Variants in EVI5 observed in about 807,000 individuals in gnomAD.
The protein encoded by EVI5 is ecotropic viral integration site 5, also known as ecotropic viral integration site 5 protein homolog.
EVI5 carries 73 observed loss-of-function variants against 112.0 expected under a neutral mutation model. The ratio of observed to expected loss-of-function variants is 0.65; its 90% CI spans 0.54 to 0.79. EVI5 has a LOEUF of 0.79. Among genes scored for constraint, EVI5 ranks in the 30% least tolerant of loss-of-function variants. The pLI, the probability that EVI5 is intolerant of heterozygous loss-of-function variation, is 0.00. For synonymous variants in EVI5, 305 were observed against 319.9 expected (o/e 0.95, Z 0.50); for missense variants, 900 against 968.8 (o/e 0.93, Z 0.94).
intron 2 of EVI5, among the ~76,000 whole-genome samples, chr1:92,722,458 T>C (rs1341236444): frequency 6.8e-6 from 1 of 148,044 alleles, no homozygotes; most frequent in African/African-American, 2.5e-5. Flanking sequence ...AATGCTATCC[T>C]TCCCCCCTCC....
At chr1:92,620,731 T>C (rs971510386) in intron 16 of EVI5, among the ~76,000 whole-genome samples, 5 of 152,042 alleles carry the variant, frequency 3.3e-5, no homozygotes, top group East Asian at 1.9e-4. Context: ...CTAAAGGAAA[T>C]GATAAAAGAA....
chr1:92,718,441 G>T (rs144847884), intron 2 of EVI5, among the ~76,000 whole-genome samples: 85 of 151,986 alleles, frequency 5.6e-4, no homozygotes, highest in Admixed American at 3.2e-3. Context: ...CCTGAATGAC[G>T]ACTGGGTAAA....
Position 92,667,289 on chromosome 1 carries a change from T to A in EVI5, c.1159-1297A>T, listed in dbSNP as rs538029068. Among the ~76,000 whole-genome samples the A allele has an allele frequency of 2.0e-3, 299 of 146,586 alleles. 4 individuals are homozygous for A. Among genetic ancestry groups the A allele is most frequent in the Non-Finnish European group, 3.1e-3 (207 of 66,190 alleles). On this transcript the variant is annotated intron_variant, in intron 10 of 19. Transcript: ENST00000684568. ...ACAGAGCAAGACCTTGTCTCAAATT[T>A]AAAAAAAAAAAATTGCCCATTTAGA...
At chr1:92,698,101 C>A in intron 5 of EVI5, 116 bp from the exon 6 acceptor site, 1 of 893,478 alleles carries the variant, frequency 1.1e-6, no homozygotes, top group South Asian at 1.6e-5. Context: ...TGGCTGTGTG[C>A]TGCAATGTTA....
At chr1:92,688,060 G>C (rs1326832531) in intron 9 of EVI5, among the ~76,000 whole-genome samples, 1 of 152,108 alleles carries the variant, frequency 6.6e-6, no homozygotes, top group East Asian at 1.9e-4. Context: ...TATAAATTAT[G>C]CTATTATAAA....
At chr1:92,613,691 C>T (rs1044103529) in intron 16 of EVI5, among the ~76,000 whole-genome samples, 5 of 152,156 alleles carry the variant, frequency 3.3e-5, no homozygotes, top group South Asian at 2.1e-4. Context: ...TGGGCTCAAG[C>T]GATCCTCCCA....
intron 18 of EVI5, among the ~76,000 whole-genome samples, chr1:92,584,463 G>GT (rs1417843735): frequency 2.6e-5 from 4 of 152,120 alleles, no homozygotes; most frequent in Non-Finnish European, 5.9e-5. Flanking sequence ...GAGTAAATCT[G>GT]TAACACTTGG....
chr1:92,602,406 T>A (rs938188248), intron 18 of EVI5, among the ~76,000 whole-genome samples: 4 of 144,446 alleles, frequency 2.8e-5, no homozygotes, highest in African/African-American at 1.1e-4. Flanking sequence ...TTAAAAAAAT[T>A]TTTTTTTGAG....
At chr1:92,542,675 A>T (rs1052081703) in intron 19 of EVI5, among the ~76,000 whole-genome samples, 1 of 152,146 alleles carries the variant, frequency 6.6e-6, no homozygotes, top group Non-Finnish European at 1.5e-5. Flanking sequence ...TATGTAATGG[A>T]GCCTTATGAA....
At chr1:92,589,978 C>T (rs922438499) in intron 18 of EVI5, among the ~76,000 whole-genome samples, 1 of 152,210 alleles carries the variant, frequency 6.6e-6, no homozygotes, top group Non-Finnish European at 1.5e-5. Flanking sequence ...GTTCTGCAGC[C>T]TCCGCTGCTG....
intron 14 of EVI5, among the ~76,000 whole-genome samples, chr1:92,626,135 C>T (rs1655615279): frequency 6.6e-6 from 1 of 152,144 alleles, no homozygotes; most frequent in Non-Finnish European, 1.5e-5. Flanking sequence ...GTTGTTTAAA[C>T]ATCACCATGA....
At chr1:92,665,708 T>C (rs1303419249) in intron 11 of EVI5, among the ~76,000 whole-genome samples, 1 of 152,234 alleles carries the variant, frequency 6.6e-6, no homozygotes, top group African/African-American at 2.4e-5. Flanking sequence ...TATCAATATG[T>C]TACTGTTAAT....
intron 16 of EVI5, among the ~76,000 whole-genome samples, chr1:92,614,840 T>TTATATATATATA (rs561640520): frequency 3.2e-4 from 4 of 12,608 alleles, no homozygotes; most frequent in African/African-American, 4.3e-4. Context: ...ATGTTATATT[T>TTATATATATATA]TATATATATA....
chr1:92,602,386 T>G (rs1195350442), intron 18 of EVI5, among the ~76,000 whole-genome samples: 1 of 151,912 alleles, frequency 6.6e-6, no homozygotes, highest in African/African-American at 2.4e-5. Context: ...ACAAAACACA[T>G]TTATTTTTAT....
chr1:92,585,648 A>T (rs887169354), intron 18 of EVI5, among the ~76,000 whole-genome samples: 2 of 152,080 alleles, frequency 1.3e-5, no homozygotes, highest in Admixed American at 6.6e-5. Flanking sequence ...AACTAGTTTT[A>T]AAAAAAATTA....
At chr1:92,585,448 C>A (rs1048541937) in intron 18 of EVI5, among the ~76,000 whole-genome samples, 5 of 152,086 alleles carry the variant, frequency 3.3e-5, no homozygotes, top group African/African-American at 1.2e-4. Flanking sequence ...GTGATTGCAC[C>A]ACTGAACTCT....
intron 5 of EVI5, among the ~76,000 whole-genome samples, chr1:92,701,674 A>G (rs1475666069): frequency 6.6e-6 from 1 of 152,072 alleles, no homozygotes; most frequent in Non-Finnish European, 1.5e-5. Flanking sequence ...CTAGGGGGTA[A>G]AAGTGGCTGA....
intron 5 of EVI5, chr1:92,700,913 G>A (rs1034378348): frequency 1.3e-5 from 2 of 152,130 alleles, no homozygotes; most frequent in Admixed American, 6.5e-5. Flanking sequence ...CACTGGCTAC[G>A]ATACTGCCAC....
chr1:92,574,674 G>C (rs1670786906), intron 18 of EVI5, among the ~76,000 whole-genome samples: 1 of 152,144 alleles, frequency 6.6e-6, no homozygotes. Flanking sequence ...CATTTTTAAA[G>C]AGAAGTTGTA....
Sources: gnomAD v4.1 joint callset for allele counts (sites outside exome capture counted in the v4.1 genomes callset) on GRCh38, gnomAD v4.1.1 for gene constraint, MANE v1.5 for transcripts, NCBI Gene and HGNC (gene_info 2026-07-23, HGNC 2026-07-21) for gene names.